GRIP1: variants seen among roughly 807,000 people sequenced by gnomAD.
The protein encoded by GRIP1 is glutamate receptor-interacting protein 1.
A neutral mutation model predicts 129.9 loss-of-function variants in GRIP1; 45 were observed. The observed-to-expected ratio is 0.35, with a 90% CI of 0.27 to 0.44. The LOEUF (loss-of-function observed/expected upper bound fraction) is 0.44. Ranked by LOEUF, GRIP1 falls within the 20% of genes least tolerant of loss-of-function variation. GRIP1 has a pLI of 1.00. For synonymous variants in GRIP1, 530 were observed against 520.8 expected, an observed-to-expected ratio of 1.02 and a Z score of -0.24; for missense variants, 1,196 against 1,396.8, an observed-to-expected ratio of 0.86 and a Z score of 2.29.
intron 1 of GRIP1, among the ~76,000 whole-genome samples, chr12:67,042,288 G>A (rs991711768): frequency 1.3e-5 from 2 of 152,126 alleles, no homozygotes; most frequent in African/African-American, 4.8e-5. Context: ...AACAAACTAA[G>A]ACAATTGCCT....
At chr12:66,516,872 G>A (rs996033449) in intron 6 of GRIP1, among the ~76,000 whole-genome samples, 1 of 152,064 alleles carries the variant, frequency 6.6e-6, no homozygotes, top group Non-Finnish European at 1.5e-5. Flanking sequence ...GAGTTTCAAA[G>A]GAAAAGAAGC....
chr12:66,960,312 CGGAGAGAAGGGAAGAG>C (rs1487066560), intron 1 of GRIP1, among the ~76,000 whole-genome samples: 1 of 151,948 alleles, frequency 6.6e-6, no homozygotes, highest in Non-Finnish European at 1.5e-5. Context: ...GCTGTACATA[CGGAGAGAAGGGAAGAG>C]ATCTGGGGTA....
Position 66,455,531 on chromosome 12 carries a change from G to C in GRIP1, c.1232C>G (p.Ser411Cys), listed in dbSNP as rs778906723. The change falls in exon 11 of 25, where the codon TCC becomes TGC. Residue 411 changes from serine (S) to cysteine (C), a missense_variant. Physicochemically the swap from Ser to Cys is moderately radical, Grantham distance 112 (BLOSUM62 -1). Coordinates refer to ENST00000359742, the MANE Select transcript of GRIP1 (RefSeq NM_001366722.1). Reference sequence around the variant, plus strand: ...GGAACTCAGGCTGTATGCACTCATGGAGGTAGGAGAGAAGGATGAAGACAC... The same window carrying C: ...GGAACTCAGGCTGTATGCACTCATGCAGGTAGGAGAGAAGGATGAAGACAC... ...ALVSSSFSPT[S>C]MSAYSLSSLN... 5.0e-6 allele frequency: 8 copies of C among 1,614,084 alleles called. No individual in the cohort carries two copies. The South Asian group carries it at 8.8e-5, about 18-fold the overall frequency.
chr12:66,514,675 G>A (rs534032027), intron 7 of GRIP1, among the ~76,000 whole-genome samples: 5 of 152,016 alleles, frequency 3.3e-5, no homozygotes, highest in African/African-American at 9.6e-5. Flanking sequence ...AACTCCTTAA[G>A]TTTCATACTT....
chr12:66,481,834 A>C (rs1034723409), intron 7 of GRIP1, among the ~76,000 whole-genome samples: 2 of 152,120 alleles, frequency 1.3e-5, no homozygotes, highest in African/African-American at 4.8e-5. Context: ...CATTCTCATC[A>C]AACTAACACA....
chr12:66,975,207 C>A (rs1483675579), intron 1 of GRIP1, among the ~76,000 whole-genome samples: 7 of 152,190 alleles, frequency 4.6e-5, no homozygotes, highest in Admixed American at 4.6e-4. Flanking sequence ...AATGAAAACA[C>A]CTCTTGCCAA....
intron 1 of GRIP1, among the ~76,000 whole-genome samples, chr12:67,053,099 C>T (rs181480434): frequency 6.6e-6 from 1 of 152,110 alleles, no homozygotes; most frequent in Non-Finnish European, 1.5e-5. Flanking sequence ...CCATGAGGGG[C>T]CTTTGATTCA....
chr12:66,832,120 C>CCTTG (rs2039530493), intron 1 of GRIP1, among the ~76,000 whole-genome samples: 1 of 152,166 alleles, frequency 6.6e-6, no homozygotes, highest in Non-Finnish European at 1.5e-5. Flanking sequence ...GACCTGTACA[C>CCTTG]CTTGCTACTA....
At chr12:66,363,672 T>G (rs969631412) in intron 23 of GRIP1, among the ~76,000 whole-genome samples, 1 of 152,140 alleles carries the variant, frequency 6.6e-6, no homozygotes, top group East Asian at 1.9e-4. Context: ...CAGGAAATTC[T>G]GTCATTTGTG....
At chr12:67,048,493 C>T (rs898002874) in intron 1 of GRIP1, among the ~76,000 whole-genome samples, 6 of 151,920 alleles carry the variant, frequency 3.9e-5, no homozygotes, top group Non-Finnish European at 5.9e-5. Flanking sequence ...TGAAGTACTG[C>T]TCTGTCATGA....
At chr12:66,859,414 C>T (rs888324536) in intron 1 of GRIP1, among the ~76,000 whole-genome samples, 3 of 151,852 alleles carry the variant, frequency 2.0e-5, no homozygotes, top group Non-Finnish European at 4.4e-5. Context: ...GCCAACTGCA[C>T]ATGATTCTGC....
At chr12:66,353,663 C>T in intron 23 of GRIP1, 100 bp from the exon 24 acceptor site, 2 of 1,078,486 alleles carry the variant, frequency 1.9e-6, no homozygotes, top group Non-Finnish European at 2.9e-6. Flanking sequence ...TTAGTCACAT[C>T]ATGATTTGTA....
At chr12:66,835,373 C>T (rs1249357122) in intron 1 of GRIP1, among the ~76,000 whole-genome samples, 2 of 152,304 alleles carry the variant, frequency 1.3e-5, no homozygotes, top group Middle Eastern at 3.4e-3. Context: ...AAAACCTGCA[C>T]ATGGATGTTT....
intron 11 of GRIP1, 29 bp from the exon 12 acceptor site, chr12:66,445,537 T>C (rs1473298328): frequency 5.1e-6 from 8 of 1,565,122 alleles, no homozygotes; most frequent in Non-Finnish European, 7.0e-6. Flanking sequence ...AATACTGACT[T>C]TAGGTTGGAG....
At chr12:67,019,809 C>CAT (rs2042839208) in intron 1 of GRIP1, among the ~76,000 whole-genome samples, 1 of 151,998 alleles carries the variant, frequency 6.6e-6, no homozygotes, top group Admixed American at 6.6e-5. Flanking sequence ...TATACACACA[C>CAT]ACACACGCAT....
chr12:66,503,435 C>A (rs939298569), intron 7 of GRIP1, among the ~76,000 whole-genome samples: 1 of 152,094 alleles, frequency 6.6e-6, no homozygotes, highest in Admixed American at 6.5e-5. Flanking sequence ...TGAAGGTGGG[C>A]CAGCATATAA....
At chr12:66,992,654 T>G (rs1458227443) in intron 1 of GRIP1, among the ~76,000 whole-genome samples, 1 of 152,226 alleles carries the variant, frequency 6.6e-6, no homozygotes, top group Non-Finnish European at 1.5e-5. Flanking sequence ...CTAGACCATA[T>G]GGTAGGCCAT....
chr12:66,430,720 T>A (rs2058121968), intron 14 of GRIP1, among the ~76,000 whole-genome samples: 1 of 152,218 alleles, frequency 6.6e-6, no homozygotes, highest in African/African-American at 2.4e-5. Flanking sequence ...AATCTGTAAC[T>A]AAGAATACAT....
At position 66,977,235 on chromosome 12, in the gene GRIP1, CTTTT is replaced by C. The variant is rs574630760; in HGVS notation, c.58+91811_58+91814del. Among the ~76,000 whole-genome samples the C allele has an allele frequency of 1.5e-3, 225 of 147,122 alleles. 1 individual carries two copies. The highest frequency in any genetic ancestry group is 5.1e-3 in the African/African-American group (203 of 39,774). ...TTTTGTCAAATCATTTTCTGCATTT[CTTTT>C]TTTTCTTTTTTTTTATTATTATTAT... On this transcript the variant is annotated intron_variant, in intron 1 of 1. Transcript: ENST00000643019.
Sources: gnomAD v4.1 joint callset for allele counts (sites outside exome capture counted in the v4.1 genomes callset) on GRCh38, gnomAD v4.1.1 for gene constraint, MANE v1.5 for transcripts, NCBI Gene and HGNC (gene_info 2026-07-23, HGNC 2026-07-21) for gene names.